The following LRMDA variants were observed in gnomAD, a reference collection of about 807,000 sequenced individuals.
The protein encoded by LRMDA is leucine rich melanocyte differentiation associated, also known as leucine-rich melanocyte differentiation-associated protein.
Under a neutral mutation model 29.8 loss-of-function variants are expected in LRMDA, and 18 were observed. The ratio of observed to expected loss-of-function variants is 0.60; its 90% CI spans 0.42 to 0.90. The LOEUF (loss-of-function observed/expected upper bound fraction) is 0.90. Ranked by LOEUF, LRMDA falls within the 40% of genes least tolerant of loss-of-function variation. The pLI, the probability that LRMDA is intolerant of heterozygous loss-of-function variation, is 0.00. For synonymous variants in LRMDA, 125 were observed against 109.4 expected, an observed-to-expected ratio of 1.14 and a Z score of -0.89; for missense variants, 273 against 273.9, an observed-to-expected ratio of 1.00 and a Z score of 0.02.
chr10:75,602,461 C>T lies in LRMDA; in HGVS notation c.131+163967C>T, dbSNP rs983957383. 5.3e-5 allele frequency among the ~76,000 whole-genome samples: 8 copies of T among 152,152 alleles called. No individual in the cohort carries two copies. In the South Asian group the frequency reaches 1.0e-3, roughly 20 times the overall value. On this transcript the variant is annotated intron_variant, in intron 2 of 6. Transcript: ENST00000611255. ...AGGTAGGGCTGTGTCTTAGAGAGGT[C>T]GGCCAGCCATAAAGGAGCTCAATGT... is the stretch of plus-strand genomic sequence containing the variant.
chr10:76,253,068 T>G (rs1852515132), intron 5 of LRMDA, among the ~76,000 whole-genome samples: 1 of 152,224 alleles, frequency 6.6e-6, no homozygotes, highest in Non-Finnish European at 1.5e-5. Flanking sequence ...AGTCAACCAG[T>G]GCTTTCTGGG....
intron 2 of LRMDA, among the ~76,000 whole-genome samples, chr10:75,827,795 G>A (rs1017567533): frequency 5.9e-5 from 9 of 152,182 alleles, no homozygotes; most frequent in African/African-American, 1.7e-4. Flanking sequence ...TTGCCAATTC[G>A]TAATTTTATT....
intron 6 of LRMDA, among the ~76,000 whole-genome samples, chr10:76,436,432 G>A (rs1480338559): frequency 6.6e-6 from 1 of 152,222 alleles, no homozygotes; most frequent in Non-Finnish European, 1.5e-5. Context: ...TGAGCCCTGT[G>A]GAATGTGGGC....
At chr10:75,897,447 A>G (rs932299077) in intron 2 of LRMDA, among the ~76,000 whole-genome samples, 1 of 152,228 alleles carries the variant, frequency 6.6e-6, no homozygotes, top group African/African-American at 2.4e-5. Context: ...GTAGGAGATG[A>G]GGAGTGCTTA....
intron 5 of LRMDA, among the ~76,000 whole-genome samples, chr10:76,076,480 T>C (rs1463157557): frequency 1.3e-5 from 2 of 152,034 alleles, no homozygotes; most frequent in Non-Finnish European, 1.5e-5. Flanking sequence ...AATGTGAAGA[T>C]AGAGAGTGGG....
chr10:75,901,176 AGTGGTCTGGGAGTAGCCTCT>A (rs1179243996), intron 2 of LRMDA, among the ~76,000 whole-genome samples: 1 of 152,216 alleles, frequency 6.6e-6, no homozygotes, highest in East Asian at 1.9e-4. Context: ...CTTGAACTCC[AGTGGTCTGGGAGTAGCCTCT>A]GTGCTCTAGC....
chr10:75,951,705 G>A lies in LRMDA; in HGVS notation c.132-84303G>A, dbSNP rs541180935. Among the ~76,000 whole-genome samples the A allele has an allele frequency of 1.6e-3, 237 of 152,224 alleles. 2 individuals carry two copies. The highest frequency in any genetic ancestry group is 5.6e-3 in the African/African-American group (234 of 41,558). On this transcript the variant is annotated intron_variant, in intron 2 of 6. Coordinates refer to ENST00000611255, the MANE Select transcript of LRMDA (RefSeq NM_001305581.2). ...GTTTTTTTTCCACGGTGAAGAACTG[G>A]AATATTTCTGTGTGTTTGCTTTGCT...
At chr10:75,993,619 G>A (rs1036412435) in intron 2 of LRMDA, among the ~76,000 whole-genome samples, 2 of 152,006 alleles carry the variant, frequency 1.3e-5, no homozygotes, top group African/African-American at 4.8e-5. Flanking sequence ...TGTAATCCCA[G>A]CTACTTGAGA....
intron 6 of LRMDA, among the ~76,000 whole-genome samples, chr10:76,421,794 T>C (rs751039023): frequency 1.8e-4 from 27 of 152,242 alleles, no homozygotes; most frequent in Non-Finnish European, 3.7e-4. Flanking sequence ...TTATCTCTTA[T>C]TGATTGATGG....
intron 5 of LRMDA, among the ~76,000 whole-genome samples, chr10:76,286,056 G>T (rs145787788): frequency 1.3e-5 from 2 of 152,266 alleles, no homozygotes; most frequent in East Asian, 3.9e-4. Context: ...AGCAGTGTGG[G>T]TGTACAGCAG....
intron 6 of LRMDA, among the ~76,000 whole-genome samples, chr10:76,363,934 T>C (rs534834938): frequency 5.3e-5 from 8 of 152,172 alleles, no homozygotes; most frequent in Non-Finnish European, 1.2e-4. Flanking sequence ...TAACTAGCTC[T>C]AATAACTTTG....
At chr10:75,883,446 G>A (rs748863198) in intron 2 of LRMDA, 15 of 152,196 alleles carry the variant, frequency 9.9e-5, no homozygotes, top group Non-Finnish European at 2.1e-4. Flanking sequence ...GATTTCTGAT[G>A]GCATCCCTGG....
At chr10:75,587,502 T>C (rs1317286052) in intron 2 of LRMDA, among the ~76,000 whole-genome samples, 8 of 152,244 alleles carry the variant, frequency 5.3e-5, no homozygotes, top group African/African-American at 1.7e-4. Context: ...TATATACATG[T>C]AATCCAGAAA....
intron 6 of LRMDA, among the ~76,000 whole-genome samples, chr10:76,529,394 G>A (rs1338229229): frequency 1.3e-5 from 2 of 152,076 alleles, no homozygotes; most frequent in Non-Finnish European, 2.9e-5. Flanking sequence ...CTTATGTGCA[G>A]AATTTCATTT....
intron 2 of LRMDA, among the ~76,000 whole-genome samples, chr10:75,877,355 C>T (rs149817753): frequency 6.6e-6 from 1 of 152,342 alleles, no homozygotes; most frequent in African/African-American, 2.4e-5. Flanking sequence ...AAGCATCCTC[C>T]AAAGCATCTT....
chr10:76,299,467 G>C, intron 5 of LRMDA, among the ~76,000 whole-genome samples: 2 of 152,132 alleles, frequency 1.3e-5, no homozygotes, highest in East Asian at 3.9e-4. Context: ...CCTGGACCCA[G>C]AAGTTCATAC....
chr10:76,308,365 C>T (rs1405009745), intron 5 of LRMDA, among the ~76,000 whole-genome samples: 1 of 152,154 alleles, frequency 6.6e-6, no homozygotes, highest in Non-Finnish European at 1.5e-5. Flanking sequence ...GAAGGTTTTC[C>T]TGTGGTTTCA....
chr10:75,783,920 A>G (rs1045572702), intron 2 of LRMDA, among the ~76,000 whole-genome samples: 1 of 152,200 alleles, frequency 6.6e-6, no homozygotes, highest in Non-Finnish European at 1.5e-5. Context: ...GTCATTCTGT[A>G]TTTACTGGAA....
chr10:75,811,560 T>G (rs1843960738), intron 2 of LRMDA, among the ~76,000 whole-genome samples: 1 of 152,214 alleles, frequency 6.6e-6, no homozygotes, highest in African/African-American at 2.4e-5. Context: ...CTGAGGGCAC[T>G]GAGATCCAGA....
Sources: gnomAD v4.1 joint callset for allele counts (sites outside exome capture counted in the v4.1 genomes callset) on GRCh38, gnomAD v4.1.1 for gene constraint, MANE v1.5 for transcripts, NCBI Gene and HGNC (gene_info 2026-07-23, HGNC 2026-07-21) for gene names.